The following BCKDHB variants were observed in gnomAD, a reference collection of about 807,000 sequenced individuals.
BCKDHB encodes the protein branched chain keto acid dehydrogenase E1 subunit beta.
In BCKDHB, 41 loss-of-function variants were observed where a neutral mutation model predicts 48.5. The observed-to-expected ratio is 0.85, with a 90% CI of 0.66 to 1.10. The LOEUF (loss-of-function observed/expected upper bound fraction) is 1.10. Ranked by LOEUF, BCKDHB falls within the 50% of genes least tolerant of loss-of-function variation. The pLI, the probability that BCKDHB is intolerant of heterozygous loss-of-function variation, is 0.00. For synonymous variants in BCKDHB, 201 were observed against 174.8 expected (o/e 1.15, Z -1.18); for missense variants, 496 against 494.2 (o/e 1.00, Z -0.03).
Position 80,258,112 on chromosome 6 carries a change from G to A in BCKDHB, c.952-15023G>A, listed in dbSNP as rs549275909. Among the ~76,000 whole-genome samples, 7 of 152,202 alleles carry A rather than the reference G, an allele frequency of 4.6e-5. No individual in the cohort carries two copies. In the South Asian group the frequency reaches 1.2e-3, roughly 27 times the overall value. The stretch of plus-strand genomic sequence containing the variant: ...ATGTATCCTCAGTTTCCCACTTAAT[G>A]TTCTGGTTCTGTATTATGTCTGCCA... On this transcript the variant is annotated intron_variant, in intron 8 of 9. Coordinates refer to ENST00000320393, the MANE Select transcript of BCKDHB (RefSeq NM_183050.4).
At chr6:80,250,069 G>A (rs147736317) in intron 8 of BCKDHB, among the ~76,000 whole-genome samples, 4 of 152,016 alleles carry the variant, frequency 2.6e-5, no homozygotes, top group African/African-American at 9.7e-5. Flanking sequence ...GGTGTAGAGT[G>A]TGGGCTGGGT....
the BCKDHB span, among the ~76,000 whole-genome samples, chr6:80,394,651 T>C: frequency 2.0e-5 from 3 of 152,192 alleles, no homozygotes; most frequent in Non-Finnish European, 2.9e-5. Context: ...TAAAGTTTAA[T>C]TGGACAGAAA....
intron 8 of BCKDHB, among the ~76,000 whole-genome samples, chr6:80,233,497 A>T (rs1422343347): frequency 1.3e-5 from 2 of 152,096 alleles, no homozygotes; most frequent in Admixed American, 6.6e-5. Flanking sequence ...ATCTGCCTCT[A>T]AATTCTTTCT....
chr6:80,286,394 C>T (rs890638313), intron 9 of BCKDHB, among the ~76,000 whole-genome samples: 2 of 152,134 alleles, frequency 1.3e-5, no homozygotes, highest in African/African-American at 4.8e-5. Flanking sequence ...TTACTACTTG[C>T]CTTGTTACTC....
At chr6:80,361,441 G>A in the BCKDHB span, among the ~76,000 whole-genome samples, 20 of 152,306 alleles carry the variant, frequency 1.3e-4, no homozygotes, top group South Asian at 1.7e-3. Context: ...AAGGAGTTAT[G>A]ATTGTTGTTA....
At chr6:80,118,944 A>G (rs529619612) in intron 1 of BCKDHB, among the ~76,000 whole-genome samples, 79 of 152,226 alleles carry the variant, frequency 5.2e-4, no homozygotes, top group African/African-American at 1.9e-3. Context: ...TTCTCTTGCT[A>G]TTTCTACCAC....
At chr6:80,317,637 A>T (rs921859156) in intron 9 of BCKDHB, among the ~76,000 whole-genome samples, 2 of 152,220 alleles carry the variant, frequency 1.3e-5, no homozygotes, top group African/African-American at 4.8e-5. Context: ...TTACACCTGC[A>T]AAGTCCCTTT....
chr6:80,333,068 T>C (rs1769400863), intron 9 of BCKDHB, among the ~76,000 whole-genome samples: 1 of 152,210 alleles, frequency 6.6e-6, no homozygotes, highest in East Asian at 1.9e-4. Context: ...TTAAAATCCT[T>C]ATTGGACTTG....
intron 8 of BCKDHB, among the ~76,000 whole-genome samples, chr6:80,207,206 G>A (rs1774707908): frequency 6.6e-6 from 1 of 151,906 alleles, no homozygotes; most frequent in Non-Finnish European, 1.5e-5. Flanking sequence ...GAAAGTTTAA[G>A]TTTAGTGAAG....
the BCKDHB span, among the ~76,000 whole-genome samples, chr6:80,352,807 A>G: frequency 6.6e-6 from 1 of 152,354 alleles, no homozygotes; most frequent in East Asian, 1.9e-4. Flanking sequence ...GCAGACTCTC[A>G]GCCTGAAAGT....
chr6:80,322,385 C>T (rs371952109), intron 9 of BCKDHB, among the ~76,000 whole-genome samples: 4 of 151,646 alleles, frequency 2.6e-5, no homozygotes, highest in Admixed American at 6.6e-5. Flanking sequence ...ATTACAGGCG[C>T]GCACCACTAC....
chr6:80,436,074 T>C, the BCKDHB span, among the ~76,000 whole-genome samples: 2 of 151,962 alleles, frequency 1.3e-5, no homozygotes, highest in Admixed American at 1.3e-4. Flanking sequence ...CTATTGTCTG[T>C]TGGCAAGATC....
intron 8 of BCKDHB, among the ~76,000 whole-genome samples, chr6:80,211,758 A>T (rs371811466): frequency 5.3e-5 from 8 of 152,196 alleles, no homozygotes; most frequent in African/African-American, 1.9e-4. Flanking sequence ...TCTATTTTCC[A>T]TAAGTGTTGG....
chr6:80,263,759 C>T (rs1269415678), intron 8 of BCKDHB, among the ~76,000 whole-genome samples: 3 of 152,124 alleles, frequency 2.0e-5, no homozygotes, highest in African/African-American at 7.2e-5. Flanking sequence ...TTGATACGTG[C>T]TTAAAACAGC....
At chr6:80,412,810 T>G in the BCKDHB span, among the ~76,000 whole-genome samples, 1 of 152,160 alleles carries the variant, frequency 6.6e-6, no homozygotes, top group Non-Finnish European at 1.5e-5. Context: ...GGTTGGCAGG[T>G]TTTTACTTTC....
intron 9 of BCKDHB, among the ~76,000 whole-genome samples, chr6:80,281,349 T>TGGCTTCAGAAA (rs1359891201): frequency 6.6e-6 from 1 of 151,310 alleles, no homozygotes; most frequent in Non-Finnish European, 1.5e-5. Flanking sequence ...AGGAAGGGAG[T>TGGCTTCAGAAA]AGGAGAGAGC....
Position 80,198,071 on chromosome 6 carries a change from G to A in BCKDHB, c.743-2863G>A, listed in dbSNP as rs548204945. Among the ~76,000 whole-genome samples the A allele has an allele frequency of 2.0e-5, 3 of 152,226 alleles. No homozygotes were observed. In the East Asian group the frequency reaches 5.8e-4, roughly 29 times the overall value. ...TCTGAAAGCATTGTTTACAATTGGG[G>A]CTGGCAATCTTTTTCTGTAAACGAA... On this transcript the variant is annotated intron_variant, in intron 6 of 9. Coordinates refer to ENST00000320393, the MANE Select transcript of BCKDHB (RefSeq NM_183050.4).
intron 9 of BCKDHB, among the ~76,000 whole-genome samples, chr6:80,312,394 C>G (rs997042108): frequency 6.6e-6 from 1 of 152,180 alleles, no homozygotes; most frequent in Admixed American, 6.5e-5. Context: ...GACTTCCTCT[C>G]TCTTTATTTG....
chr6:80,131,146 C>A (rs1770609391), intron 3 of BCKDHB, among the ~76,000 whole-genome samples: 1 of 152,168 alleles, frequency 6.6e-6, no homozygotes, highest in African/African-American at 2.4e-5. Flanking sequence ...TCGATGCCAT[C>A]TGCTGCTCAT....
Sources: gnomAD v4.1 joint callset for allele counts (sites outside exome capture counted in the v4.1 genomes callset) on GRCh38, gnomAD v4.1.1 for gene constraint, MANE v1.5 for transcripts, NCBI Gene and HGNC (gene_info 2026-07-23, HGNC 2026-07-21) for gene names.